Variants in PIK3C2G observed in about 807,000 individuals in gnomAD.
The protein encoded by PIK3C2G is phosphatidylinositol-4-phosphate 3-kinase catalytic subunit type 2 gamma.
A neutral mutation model predicts 181.1 loss-of-function variants in PIK3C2G; 168 were observed. The ratio of observed to expected loss-of-function variants is 0.93; its 90% CI spans 0.82 to 1.05. The LOEUF is 1.05. PIK3C2G is among the 50% of genes least tolerant of loss of function. The pLI is 0.00. For synonymous variants in PIK3C2G, 573 were observed against 592.2 expected, an observed-to-expected ratio of 0.97 and a Z score of 0.47; for missense variants, 1,869 against 1,732.8, an observed-to-expected ratio of 1.08 and a Z score of -1.40.
chr12:18,259,202 G>T (rs1471797579), upstream of PIK3C2G, among the ~76,000 whole-genome samples: 1 of 152,042 alleles, frequency 6.6e-6, no homozygotes, highest in Non-Finnish European at 1.5e-5. Context: ...CTAGGTAGCT[G>T]CTAAGTACCC....
At chr12:18,311,966 G>A (rs1452405190) in intron 5 of PIK3C2G, among the ~76,000 whole-genome samples, 8 of 152,190 alleles carry the variant, frequency 5.3e-5, no homozygotes, top group African/African-American at 1.2e-4. Flanking sequence ...GGAATCTGAT[G>A]TTTGAGAGCA....
chr12:18,276,836 T>A (rs1949006643), intron 1 of PIK3C2G, among the ~76,000 whole-genome samples: 1 of 152,202 alleles, frequency 6.6e-6, no homozygotes, highest in African/African-American at 2.4e-5. Context: ...TAAATGTATT[T>A]ATTAAAGTCA....
At chr12:18,723,263 A>T in the PIK3C2G span, 1 of 1,493,376 alleles carries the variant, frequency 6.7e-7, no homozygotes. Context: ...AAAAGAAAAA[A>T]TACTTCACAT....
intron 10 of PIK3C2G, among the ~76,000 whole-genome samples, chr12:18,345,880 A>G (rs758303707): frequency 2.0e-5 from 3 of 152,160 alleles, no homozygotes; most frequent in Non-Finnish European, 4.4e-5. Flanking sequence ...TAGCACATGG[A>G]ATCATCACAG....
At chr12:18,288,687 A>T (rs1949558239) in intron 3 of PIK3C2G, among the ~76,000 whole-genome samples, 3 of 152,186 alleles carry the variant, frequency 2.0e-5, no homozygotes, top group Admixed American at 6.6e-5. Flanking sequence ...AAATATGGTT[A>T]ATTTTTATTT....
chr12:18,255,598 C>G (rs1360289085), intron 1 of PIK3C2G, among the ~76,000 whole-genome samples: 1 of 152,134 alleles, frequency 6.6e-6, no homozygotes, highest in Non-Finnish European at 1.5e-5. Flanking sequence ...GACAGGAGAG[C>G]GCACAGATAA....
At chr12:18,578,665 T>C (rs905642357) in intron 29 of PIK3C2G, among the ~76,000 whole-genome samples, 1 of 152,202 alleles carries the variant, frequency 6.6e-6, no homozygotes, top group Non-Finnish European at 1.5e-5. Flanking sequence ...TTCAGATTTT[T>C]AAAATCTTGT....
intron 29 of PIK3C2G, among the ~76,000 whole-genome samples, chr12:18,570,282 C>T (rs1945858295): frequency 6.6e-6 from 1 of 151,642 alleles, no homozygotes; most frequent in Non-Finnish European, 1.5e-5. Flanking sequence ...GATCTCGGCT[C>T]ACCGCAACCT....
At chr12:18,326,779 G>A (rs1265555483) in intron 8 of PIK3C2G, among the ~76,000 whole-genome samples, 1 of 152,064 alleles carries the variant, frequency 6.6e-6, no homozygotes, top group Non-Finnish European at 1.5e-5. Flanking sequence ...AGGTTACCAG[G>A]ATATATTAAG....
intron 18 of PIK3C2G, among the ~76,000 whole-genome samples, chr12:18,456,448 A>T (rs1947634754): frequency 1.3e-5 from 2 of 152,130 alleles, no homozygotes; most frequent in Admixed American, 6.6e-5. Context: ...TGAAATACAC[A>T]GGGGGTTTTA....
chr12:18,536,917 A>G (rs1371686064), intron 24 of PIK3C2G, among the ~76,000 whole-genome samples: 1 of 152,100 alleles, frequency 6.6e-6, no homozygotes, highest in Non-Finnish European at 1.5e-5. Flanking sequence ...GAATGAATAT[A>G]AACAGAAGTG....
At chr12:18,514,383 C>A (rs112198458) in intron 24 of PIK3C2G, among the ~76,000 whole-genome samples, 7 of 151,646 alleles carry the variant, frequency 4.6e-5, no homozygotes, top group African/African-American at 1.5e-4. Context: ...TATTTCAATC[C>A]CTGAACACAG....
At chr12:18,243,166 C>T (rs142505281), upstream of PIK3C2G, among the ~76,000 whole-genome samples, 243 of 151,042 alleles carry the variant, frequency 1.6e-3, no homozygotes, top group African/African-American at 5.6e-3. Context: ...ATTATTAATT[C>T]ATAAAGTTTA....
chr12:18,628,778 C>G (rs1949216277), intron 31 of PIK3C2G, among the ~76,000 whole-genome samples: 1 of 152,194 alleles, frequency 6.6e-6, no homozygotes, highest in Middle Eastern at 3.4e-3. Context: ...AATTATCTAT[C>G]AAGTGTCCCT....
chr12:18,527,504 T>C (rs983682933), intron 24 of PIK3C2G, among the ~76,000 whole-genome samples: 2 of 152,186 alleles, frequency 1.3e-5, no homozygotes, highest in Non-Finnish European at 2.9e-5. Flanking sequence ...TTCAACCTGA[T>C]TTTAGAAACT....
chr12:18,258,934 A>C (rs2136984258), upstream of PIK3C2G, among the ~76,000 whole-genome samples: 1 of 152,264 alleles, frequency 6.6e-6, no homozygotes, highest in African/African-American at 2.4e-5. Flanking sequence ...TTTACTTTTT[A>C]ATAGAGCAGC....
At chr12:18,594,246 G>A (rs896319458) in intron 29 of PIK3C2G, among the ~76,000 whole-genome samples, 4 of 151,980 alleles carry the variant, frequency 2.6e-5, no homozygotes, top group African/African-American at 9.7e-5. Flanking sequence ...TCCAAGAGCA[G>A]AGCACACTTG....
At chr12:18,392,703 GTGTT>G (rs1943612360) in intron 15 of PIK3C2G, among the ~76,000 whole-genome samples, 1 of 151,978 alleles carries the variant, frequency 6.6e-6, no homozygotes, top group African/African-American at 2.4e-5. Context: ...GCCCACTCAT[GTGTT>G]TAGCTCTTGT....
At chr12:18,547,815 T>C (rs1033157532) in intron 26 of PIK3C2G, among the ~76,000 whole-genome samples, 7 of 151,958 alleles carry the variant, frequency 4.6e-5, no homozygotes, top group African/African-American at 1.2e-4. Context: ...TCCCAAGTAA[T>C]TGATGTTCGA....
Sources: gnomAD v4.1 joint callset for allele counts (sites outside exome capture counted in the v4.1 genomes callset) on GRCh38, gnomAD v4.1.1 for gene constraint, MANE v1.5 for transcripts, NCBI Gene and HGNC (gene_info 2026-07-23, HGNC 2026-07-21) for gene names.